The following ADGRA3 variants were observed in gnomAD, a reference collection of about 807,000 sequenced individuals.
ADGRA3 encodes adhesion G protein-coupled receptor A3.
In ADGRA3, 56 loss-of-function variants were observed where a neutral mutation model predicts 119.8. The ratio of observed to expected loss-of-function variants is 0.47; its 90% CI spans 0.38 to 0.58. The LOEUF is 0.58. Among genes scored for constraint, ADGRA3 ranks in the 20% least tolerant of loss-of-function variants. The pLI is 0.00. For synonymous variants in ADGRA3, 607 were observed against 623.8 expected (o/e 0.97, Z 0.40); for missense variants, 1,516 against 1,649.0 (o/e 0.92, Z 1.40).
Position 22,393,041 on chromosome 4 carries a change from T to C in ADGRA3, c.2482-351A>G, listed in dbSNP as rs548797595. 243 of 164,926 alleles carry C rather than the reference T, an allele frequency of 1.5e-3. 1 individual carries two copies. Among genetic ancestry groups the C allele is most frequent in the Admixed American group, 2.6e-3 (42 of 16,136 alleles). 10.2% of individuals were successfully genotyped at this position (164,926 alleles called of 1,614,324 possible). ...AGAGTTCATTTTCTTTTTTTTTTTT[T>C]TTTGGGACAGAGCCTCGCTCTGTCA... On this transcript the variant is annotated intron_variant, in intron 16 of 18. Transcript: ENST00000334304.
intron 16 of ADGRA3, chr4:22,393,863 G>A (rs1714240177): frequency 6.6e-6 from 1 of 152,022 alleles, no homozygotes; most frequent in African/African-American, 2.4e-5. Context: ...ACAATTCATG[G>A]GATATAATAG....
chr4:22,387,845 T>G lies in ADGRA3; in HGVS notation c.3826A>C (p.Asn1276His), dbSNP rs146897125. 273 of 1,614,160 alleles carry G rather than the reference T, an allele frequency of 1.7e-4. No homozygotes were observed. In the African/African-American group the frequency reaches 3.2e-3, roughly 19 times the overall value. Residue 1276 changes from asparagine to histidine, a missense_variant, in exon 19 of 19, where the codon AAT becomes CAT. This residue lies in a region of ADGRA3 where 1,088 missense variants were observed against 1,107.1 expected (regional missense o/e 0.98). Coordinates refer to ENST00000334304, the MANE Select transcript of ADGRA3 (RefSeq NM_145290.4). ...LRKPAVVELE[N>H]QQKSYGLNLA... ...TTGAGGCCATAAGATTTTTGCTGAT[T>G]TTCAAGTTCAACCACAGCTGGCTTC... is the stretch of plus-strand genomic sequence containing the variant.
intron 5 of ADGRA3, among the ~76,000 whole-genome samples, chr4:22,446,348 C>T (rs749313154): frequency 2.6e-5 from 4 of 152,174 alleles, no homozygotes; most frequent in Non-Finnish European, 4.4e-5. Context: ...TTCCCACGTT[C>T]CTGCTACCCA....
chr4:22,413,084 A>C (rs75149073), intron 14 of ADGRA3, 98 bp downstream of exon 14: 10 of 893,120 alleles, frequency 1.1e-5, no homozygotes, highest in Middle Eastern at 3.3e-4. Context: ...GTAAAAAAAA[A>C]AAAAAAACAA....
chr4:22,406,393 T>C (rs1178543154), intron 14 of ADGRA3, among the ~76,000 whole-genome samples: 2 of 152,222 alleles, frequency 1.3e-5, no homozygotes, highest in African/African-American at 4.8e-5. Context: ...TTCAAGAAAC[T>C]TACAAACTAC....
intron 1 of ADGRA3, among the ~76,000 whole-genome samples, chr4:22,512,334 A>G (rs1358341633): frequency 2.0e-5 from 3 of 152,042 alleles, no homozygotes; most frequent in Admixed American, 1.3e-4. Flanking sequence ...TAGAGCATTG[A>G]CCATACTGTT....
At chr4:22,441,423 C>T (rs1184959767) in intron 7 of ADGRA3, among the ~76,000 whole-genome samples, 1 of 152,172 alleles carries the variant, frequency 6.6e-6, no homozygotes. Context: ...CAGACTTTTT[C>T]TTCAATGGCC....
chr4:22,424,246 C>T lies in ADGRA3; in HGVS notation c.1550G>A (p.Cys517Tyr), dbSNP rs201298150. 5.6e-6 allele frequency: 9 copies of T among 1,613,540 alleles called. No homozygotes were observed. The highest frequency in any genetic ancestry group is 1.1e-5 in the South Asian group (1 of 91,050). Reference protein sequence around the residue: ...EAKACSRIVQCLQRIATYRLA... With the variant: ...EAKACSRIVQYLQRIATYRLA... Reference sequence around the variant, plus strand: ...CCGGTAGGTAGCAATGCGCTGAAGACACTGCACAATCCTACTGCAGGCTTT... The same window carrying T: ...CCGGTAGGTAGCAATGCGCTGAAGATACTGCACAATCCTACTGCAGGCTTT... The change falls in exon 11 of 19, where the codon TGT (cysteine) becomes TAT (tyrosine). Residue 517 changes from cysteine (C) to tyrosine (Y), a missense_variant. By Grantham distance (194) the Cys-to-Tyr change is radical (BLOSUM62 -2). Transcript: ENST00000334304.
intron 1 of ADGRA3, among the ~76,000 whole-genome samples, chr4:22,494,626 C>T (rs1467045459): frequency 1.3e-5 from 2 of 151,890 alleles, no homozygotes; most frequent in Non-Finnish European, 2.9e-5. Context: ...ACATATTATC[C>T]TAAATAAAAC....
At chr4:22,476,004 C>G (rs1473327202) in intron 1 of ADGRA3, among the ~76,000 whole-genome samples, 3 of 152,134 alleles carry the variant, frequency 2.0e-5, no homozygotes, top group African/African-American at 7.2e-5. Context: ...GGATTGTATT[C>G]TGTCCCTCCA....
intron 15 of ADGRA3, among the ~76,000 whole-genome samples, chr4:22,402,322 T>A (rs1001138502): frequency 1.3e-5 from 2 of 152,152 alleles, no homozygotes; most frequent in Non-Finnish European, 2.9e-5. Context: ...TACAGTCTGA[T>A]ACTTAGAGAC....
At chr4:22,415,582 G>T (rs186741546) in intron 12 of ADGRA3, among the ~76,000 whole-genome samples, 1 of 151,920 alleles carries the variant, frequency 6.6e-6, no homozygotes, top group Non-Finnish European at 1.5e-5. Flanking sequence ...GTTCAAAATC[G>T]TGATAAAGTA....
At position 22,409,145 on chromosome 4, in the gene ADGRA3, A is replaced by T. The variant is rs1715080982; in HGVS notation, c.2232+4037T>A. 2.0e-5 allele frequency among the ~76,000 whole-genome samples: 3 copies of T among 152,184 alleles called. No homozygotes were observed. The South Asian group carries it at 6.2e-4, about 31-fold the overall frequency. ...CAGGAGCACTGTCCAGCACTCTACT[A>T]CAAATCTTGTTCTTATACATTCTTT... is the stretch of plus-strand genomic sequence containing the variant. On this transcript the variant is annotated intron_variant, in intron 14 of 18. Transcript: ENST00000334304.
intron 1 of ADGRA3, among the ~76,000 whole-genome samples, chr4:22,512,439 A>G (rs1719481161): frequency 6.6e-6 from 1 of 152,208 alleles, no homozygotes; most frequent in Non-Finnish European, 1.5e-5. Context: ...TGAGCTGGAC[A>G]GTGTTTCATA....
intron 1 of ADGRA3, among the ~76,000 whole-genome samples, chr4:22,508,057 T>C (rs527539691): frequency 6.6e-6 from 1 of 152,226 alleles, no homozygotes; most frequent in Admixed American, 6.5e-5. Flanking sequence ...CTCTTGCCCA[T>C]AAAGAACAAT....
intron 16 of ADGRA3, among the ~76,000 whole-genome samples, chr4:22,400,495 C>G (rs1409677375): frequency 1.3e-5 from 2 of 152,050 alleles, no homozygotes; most frequent in African/African-American, 4.8e-5. Flanking sequence ...GTAGTCACAA[C>G]TCATAGAAGC....
chr4:22,394,928 A>G (rs1714288366), intron 16 of ADGRA3: 1 of 152,198 alleles, frequency 6.6e-6, no homozygotes, highest in Admixed American at 6.5e-5. Flanking sequence ...AGAAAAAATG[A>G]GTGATTAAAA....
chr4:22,400,646 T>C (rs1192346063), intron 16 of ADGRA3, among the ~76,000 whole-genome samples: 1 of 152,148 alleles, frequency 6.6e-6, no homozygotes, highest in Admixed American at 6.5e-5. Flanking sequence ...GTAACAATAC[T>C]GTACTGTACA....
chr4:22,392,534 A>C lies in ADGRA3; in HGVS notation c.2627+11T>G. The C allele has an allele frequency of 6.2e-7, 1 of 1,612,572 alleles. No homozygotes were observed. Among genetic ancestry groups the C allele is most frequent in the Non-Finnish European group, 8.5e-7 (1 of 1,179,370 alleles). On this transcript the variant is annotated intron_variant, in intron 17 of 18. Transcript: ENST00000334304. ...AAACAAAACAATTAATACAACAAAGATATGAGATACCTGAGCATTGGTCTT... is the reference window on the plus strand; with the variant it reads ...AAACAAAACAATTAATACAACAAAGCTATGAGATACCTGAGCATTGGTCTT...
Sources: allele counts gnomAD v4.1 joint callset (sites outside exome capture counted in the v4.1 genomes callset), GRCh38; gene constraint gnomAD v4.1.1; regional missense constraint gnomAD v4.1.1; transcripts MANE v1.5; gene names NCBI Gene and HGNC (gene_info 2026-07-23, HGNC 2026-07-21).